WASHC2C: variants seen among roughly 807,000 people sequenced by gnomAD.
The protein encoded by WASHC2C is WASH complex subunit 2C.
In WASHC2C, 73 loss-of-function variants were observed where a neutral mutation model predicts 142.2. The ratio of observed to expected loss-of-function variants is 0.51; its 90% CI spans 0.43 to 0.62. WASHC2C has a LOEUF of 0.62. Among genes scored for constraint, WASHC2C ranks in the 20% least tolerant of loss-of-function variants. The pLI is 0.00. For missense variants in WASHC2C, 969 were observed against 1,531.7 expected, an observed-to-expected ratio of 0.63 and a Z score of 6.13; for synonymous variants, 337 against 565.5, an observed-to-expected ratio of 0.60 and a Z score of 5.73.
At chr10:45,732,413 G>A (rs1197876640) in intron 3 of WASHC2C, among the ~76,000 whole-genome samples, 2 of 152,162 alleles carry the variant, frequency 1.3e-5, no homozygotes, top group Admixed American at 1.3e-4. Flanking sequence ...ATTGGCCAGT[G>A]TTCTAGTGTC....
At position 45,790,386 on chromosome 10, in the gene WASHC2C, C is replaced by T. The variant is rs1564836414; in HGVS notation, c.3739C>T (p.Pro1247Ser). The change falls in exon 30 of 31, where the codon CCC becomes TCC. Residue 1247 changes from proline (P) to serine (S), a missense_variant. Coordinates refer to ENST00000623400, the MANE Select transcript of WASHC2C (RefSeq NM_001330074.2). ...DDIFATEAIK[P>S]SQKTREKEKT... ...TATATTTGCTACGGAAGCAATTAAACCCTCTCAGAAAACCAGAGAGAAGGA... is the reference window on the plus strand; with the variant it reads ...TATATTTGCTACGGAAGCAATTAAATCCTCTCAGAAAACCAGAGAGAAGGA... The T allele has an allele frequency of 6.2e-7, 1 of 1,610,610 alleles. No individual in the cohort carries two copies. Among genetic ancestry groups the T allele is most frequent in the South Asian group, 1.1e-5 (1 of 90,494 alleles).
rs777777260 is a variant in WASHC2C, at chr10:45,728,877, C to A, written c.142C>A (p.Gln48Lys). Residue 48 changes from glutamine (Q) to lysine (K), a missense_variant, in exon 3 of 31, where the codon CAG becomes AAG. Physicochemically the swap from Gln to Lys is moderately conservative, Grantham distance 53 (BLOSUM62 1). Transcript: ENST00000623400. ...TTTAAAATAGCTACTACAGTTTCTA[C>A]AGGAATTCTCACAGCAAACTATCTC... is the stretch of plus-strand genomic sequence containing the variant. ...AADAGLLQFLQEFSQQTISRT... is the reference protein window; with the variant it reads ...AADAGLLQFLKEFSQQTISRT... 7 of 1,613,460 alleles carry A rather than the reference C, an allele frequency of 4.3e-6. No individual in the cohort carries two copies. In the South Asian group the frequency reaches 6.6e-5, roughly 15 times the overall value.
chr10:45,779,785 G>A (rs1486745638), intron 23 of WASHC2C, among the ~76,000 whole-genome samples: 1 of 152,078 alleles, frequency 6.6e-6, no homozygotes, highest in African/African-American at 2.4e-5. Context: ...AAGAGATCGA[G>A]ACCATCCTGG....
chr10:45,781,226 A>G (rs564939826), intron 23 of WASHC2C, among the ~76,000 whole-genome samples: 1 of 152,324 alleles, frequency 6.6e-6, no homozygotes, highest in Non-Finnish European at 1.5e-5. Flanking sequence ...AAGACCTAAA[A>G]TTGATGGAAA....
intron 8 of WASHC2C, among the ~76,000 whole-genome samples, chr10:45,747,264 C>G (rs1454220804): frequency 6.6e-6 from 1 of 152,054 alleles, no homozygotes; most frequent in Non-Finnish European, 1.5e-5. Context: ...CCTCAGCCTC[C>G]CGAGTAGCTG....
At chr10:45,785,038 C>A in intron 25 of WASHC2C, 137 bp downstream of exon 25, 2 of 1,587,948 alleles carry the variant, frequency 1.3e-6, no homozygotes, top group South Asian at 1.1e-5. Context: ...AATAACATGC[C>A]GAGGGGAGCG....
chr10:45,764,651 C>CCAT (rs1307103466), intron 18 of WASHC2C, among the ~76,000 whole-genome samples: 1 of 152,068 alleles, frequency 6.6e-6, no homozygotes, highest in African/African-American at 2.4e-5. Flanking sequence ...AAAGGCTTTG[C>CCAT]CATCAGACCC....
At chr10:45,760,107 C>T (rs1249733535) in intron 17 of WASHC2C, among the ~76,000 whole-genome samples, 15 of 142,380 alleles carry the variant, frequency 1.1e-4, no homozygotes, top group African/African-American at 3.2e-4. Flanking sequence ...TCTGTCTTGT[C>T]GAGACTGAGA....
rs1589604553 is a variant in WASHC2C at position 45,738,184 on chromosome 10, G to T, written c.354+139G>T. On this transcript the variant is annotated intron_variant, in intron 4 of 30. Coordinates refer to ENST00000623400, the MANE Select transcript of WASHC2C (RefSeq NM_001330074.2). ...TGCTCCTGACAGCAGCCCAAGAGGG[G>T]ATTCTTTCCTTTGTTTCTGAAATGT... The T allele has an allele frequency of 1.5e-5, 24 of 1,551,808 alleles. No homozygotes were observed. In the East Asian group the frequency reaches 5.4e-4, roughly 35 times the overall value.
chr10:45,746,722 G>A, intron 8 of WASHC2C, 75 bp downstream of exon 8: 1 of 1,580,456 alleles, frequency 6.3e-7, no homozygotes, highest in Non-Finnish European at 8.7e-7. Flanking sequence ...AAATTACTTT[G>A]GAATGATTTA....
At chr10:45,739,827 G>T (rs1168971355) in intron 4 of WASHC2C, among the ~76,000 whole-genome samples, 1 of 151,788 alleles carries the variant, frequency 6.6e-6, no homozygotes. Flanking sequence ...TTTTGTAGAC[G>T]ATGACCCTTG....
At chr10:45,787,912 T>C (rs1444159759) in intron 28 of WASHC2C, among the ~76,000 whole-genome samples, 3 of 152,240 alleles carry the variant, frequency 2.0e-5, no homozygotes, top group African/African-American at 7.2e-5. Context: ...TGTGAACTCT[T>C]TGAAGTTTTC....
At chr10:45,738,250 A>G (rs2051530535) in intron 4 of WASHC2C, among the ~76,000 whole-genome samples, 1 of 152,000 alleles carries the variant, frequency 6.6e-6, no homozygotes, top group Non-Finnish European at 1.5e-5. Flanking sequence ...TTGAATTCTG[A>G]TATAAGAATA....
rs555297405 is a variant in WASHC2C at position 45,764,353 on chromosome 10, A to T, written c.1737+864A>T. ...CAAATTGTTGCAAATGTCCAAAAAAATTTTCAACATATTACTGAGAAAACA... is the reference window on the plus strand; with the variant it reads ...CAAATTGTTGCAAATGTCCAAAAAATTTTTCAACATATTACTGAGAAAACA... On this transcript the variant is annotated intron_variant, in intron 18 of 30. Transcript: ENST00000623400. Among the ~76,000 whole-genome samples the T allele has an allele frequency of 7.3e-5, 11 of 151,384 alleles. No individual in the cohort carries two copies. The South Asian group carries it at 2.1e-3, about 29-fold the overall frequency.
Position 45,790,448 on chromosome 10 carries a change from T to C in WASHC2C, c.3801T>C (p.Ile1267=). 6.2e-7 allele frequency: 1 copy of C among 1,610,996 alleles called. No homozygotes were observed. The highest frequency in any genetic ancestry group is 8.5e-7 in the Non-Finnish European group (1 of 1,179,318). Residue 1267 remains isoleucine (I), a synonymous_variant, in exon 30 of 31, where the codon ATT becomes ATC. Transcript: ENST00000623400. ...AATCTAATTTATTTGATGATAACAT[T>C]GATATCTTTGCTGACTTAACTGTAA... ...TLESNLFDDN[I]DIFADLTVKP...
chr10:45,746,513 G>A, intron 7 of WASHC2C, 87 bp from the exon 8 acceptor site: 2 of 1,472,080 alleles, frequency 1.4e-6, no homozygotes, highest in Non-Finnish European at 1.9e-6. Flanking sequence ...CATAGAATCA[G>A]CCTGCCCCAG....
chr10:45,742,063 T>C (rs2052140643), intron 5 of WASHC2C, among the ~76,000 whole-genome samples: 2 of 151,086 alleles, frequency 1.3e-5, no homozygotes, highest in African/African-American at 4.9e-5. Context: ...CCAAAAGTAC[T>C]GGGATTACAG....
intron 30 of WASHC2C, 34 bp from the exon 31 acceptor site, chr10:45,792,227 C>T: frequency 6.4e-7 from 1 of 1,563,594 alleles, no homozygotes; most frequent in Non-Finnish European, 8.7e-7. Context: ...CTCCACCCCT[C>T]TTCAGCAACT....
rs1554865534 is a variant in WASHC2C, at chr10:45,737,991, T to C, written c.300T>C (p.Tyr100=). 5 of 1,611,746 alleles carry C rather than the reference T, an allele frequency of 3.1e-6. No individual in the cohort carries two copies. Among genetic ancestry groups the C allele is most frequent in the Non-Finnish European group, 4.2e-6 (5 of 1,179,812 alleles). Residue 100 remains tyrosine, a synonymous_variant, in exon 4 of 31, where the codon TAT becomes TAC. Coordinates refer to ENST00000623400, the MANE Select transcript of WASHC2C (RefSeq NM_001330074.2). ...TTTGCTTCCATATTTAGCGTGTATA[T>C]GATGAAGAAGTGGAGGAGCCAGTAC... ...SNTQFIENRV[Y]DEEVEEPVLK... is the part of the protein sequence containing the mutation.
Sources: allele counts gnomAD v4.1 joint callset (sites outside exome capture counted in the v4.1 genomes callset), GRCh38; gene constraint gnomAD v4.1.1; transcripts MANE v1.5; gene names NCBI Gene and HGNC (gene_info 2026-07-23, HGNC 2026-07-21).